Variants in TMEM132D observed in about 807,000 individuals in gnomAD.
The protein encoded by TMEM132D is mature OL transmembrane protein.
A neutral mutation model predicts 62.3 loss-of-function variants in TMEM132D; 21 were observed. That is an observed-to-expected ratio of 0.34 (90% CI 0.24 to 0.49). The LOEUF (loss-of-function observed/expected upper bound fraction) is 0.49, where lower values mean the gene tolerates loss of function less well. Ranked by LOEUF, TMEM132D falls within the 20% of genes least tolerant of loss-of-function variation. TMEM132D has a pLI of 0.99. For synonymous variants in TMEM132D, 621 were observed against 575.6 expected, an observed-to-expected ratio of 1.08 and a Z score of -1.13; for missense variants, 1,346 against 1,402.8, an observed-to-expected ratio of 0.96 and a Z score of 0.65.
intron 7 of TMEM132D, among the ~76,000 whole-genome samples, chr12:129,079,030 AC>A (rs1325762643): frequency 2.0e-5 from 3 of 152,210 alleles, no homozygotes; most frequent in Non-Finnish European, 4.4e-5. Flanking sequence ...GGAGGAACTG[AC>A]GTTTTCATTC....
intron 3 of TMEM132D, among the ~76,000 whole-genome samples, chr12:129,404,529 G>C (rs918969742): frequency 6.6e-6 from 1 of 152,168 alleles, no homozygotes; most frequent in Non-Finnish European, 1.5e-5. Context: ...AAAGAAAAAG[G>C]TTTAATCGGT....
intron 2 of TMEM132D, among the ~76,000 whole-genome samples, chr12:129,611,759 C>A (rs1027167096): frequency 6.6e-6 from 1 of 152,180 alleles, no homozygotes; most frequent in Non-Finnish European, 1.5e-5. Flanking sequence ...CATTTCCATC[C>A]GCTACAATGT....
intron 1 of TMEM132D, among the ~76,000 whole-genome samples, chr12:129,844,636 T>C (rs1334613860): frequency 6.6e-6 from 1 of 152,176 alleles, no homozygotes; most frequent in African/African-American, 2.4e-5. Context: ...AGAAGAACGA[T>C]GCTGTGCTTG....
At chr12:129,460,076 A>C (rs1873610169) in intron 3 of TMEM132D, among the ~76,000 whole-genome samples, 1 of 152,194 alleles carries the variant, frequency 6.6e-6, no homozygotes, top group African/African-American at 2.4e-5. Flanking sequence ...CACTTTTGGC[A>C]GCAGACAGAG....
At chr12:129,346,046 C>T (rs138753003) in intron 3 of TMEM132D, among the ~76,000 whole-genome samples, 28,257 of 151,996 alleles carry the variant, frequency 0.19, 2,730 homozygotes, top group Non-Finnish European at 0.2. Context: ...TGGTAAAATT[C>T]GGCTGTGAAT....
intron 3 of TMEM132D, among the ~76,000 whole-genome samples, chr12:129,383,440 T>A (rs1047046292): frequency 5.3e-5 from 8 of 152,110 alleles, no homozygotes; most frequent in Admixed American, 6.6e-5. Flanking sequence ...TTCATGTCAA[T>A]CCTCTAGATA....
chr12:129,750,331 T>A (rs1297506512), intron 1 of TMEM132D, among the ~76,000 whole-genome samples: 2 of 151,954 alleles, frequency 1.3e-5, no homozygotes, highest in Non-Finnish European at 2.9e-5. Flanking sequence ...TGATCTGGCC[T>A]GCCTCGGCCT....
chr12:129,636,741 A>T (rs79111596), intron 2 of TMEM132D, among the ~76,000 whole-genome samples: 90 of 64,394 alleles, frequency 1.4e-3, no homozygotes, highest in Non-Finnish European at 2.1e-3. Flanking sequence ...TGTGTGTGAG[A>T]GAGAGAGAGA....
chr12:129,879,939 GA>G (rs1258179084), intron 1 of TMEM132D, among the ~76,000 whole-genome samples: 1 of 152,064 alleles, frequency 6.6e-6, no homozygotes, highest in Non-Finnish European at 1.5e-5. Flanking sequence ...AGGAAAACAG[GA>G]AAGAGGAGCT....
At chr12:129,370,634 G>C (rs1445944880) in intron 3 of TMEM132D, among the ~76,000 whole-genome samples, 1 of 152,176 alleles carries the variant, frequency 6.6e-6, no homozygotes, top group Non-Finnish European at 1.5e-5. Context: ...ATCAACCTAA[G>C]TGTTCATTAA....
chr12:129,600,412 G>C (rs927497570), intron 2 of TMEM132D, among the ~76,000 whole-genome samples: 2 of 152,178 alleles, frequency 1.3e-5, no homozygotes, highest in African/African-American at 4.8e-5. Flanking sequence ...GTTGGAATCA[G>C]GTTCTTCCAC....
intron 5 of TMEM132D, among the ~76,000 whole-genome samples, chr12:129,104,288 G>C (rs1398576295): frequency 2.6e-5 from 4 of 151,466 alleles, no homozygotes; most frequent in Admixed American, 2.6e-4. Context: ...ACAAGCAATG[G>C]GGAAAGGATT....
intron 5 of TMEM132D, among the ~76,000 whole-genome samples, chr12:129,138,347 C>T (rs1876646520): frequency 1.3e-5 from 2 of 152,178 alleles, no homozygotes; most frequent in African/African-American, 4.8e-5. Flanking sequence ...ACCCAAGGAC[C>T]TTCAATTTGC....
In TMEM132D at chr12:129,700,109, G is replaced by A. The variant is rs138400365; in HGVS notation, c.669C>T (p.Pro223=). 1.9e-6 allele frequency: 3 copies of A among 1,613,380 alleles called. No homozygotes were observed. Among genetic ancestry groups the A allele is most frequent in the Admixed American group, 1.7e-5 (1 of 60,022 alleles). The change falls in exon 2 of 9, where the codon CCC becomes CCT. Residue 223 remains proline, a synonymous_variant. Transcript: ENST00000422113. Reference sequence around the variant, plus strand: ...GGTGCACGGTGTAGTAGAGCTCCACGGGGGTCCCCTCCGGCTGGTCCACGG... The same window carrying A: ...GGTGCACGGTGTAGTAGAGCTCCACAGGGGTCCCCTCCGGCTGGTCCACGG... The part of the protein sequence containing the change: ...RKSVDQPEGT[P]VELYYTVHPG...
intron 5 of TMEM132D, among the ~76,000 whole-genome samples, chr12:129,115,358 G>C (rs1875862460): frequency 6.6e-6 from 1 of 152,168 alleles, no homozygotes; most frequent in African/African-American, 2.4e-5. Context: ...TTGGAAGGAT[G>C]GGAGAGTGTC....
At chr12:129,125,444 T>C (rs1404062003) in intron 5 of TMEM132D, among the ~76,000 whole-genome samples, 1 of 152,144 alleles carries the variant, frequency 6.6e-6, no homozygotes, top group Non-Finnish European at 1.5e-5. Flanking sequence ...ACTAACACTT[T>C]TGTACAATAC....
At chr12:129,636,715 T>C (rs927414567) in intron 2 of TMEM132D, among the ~76,000 whole-genome samples, 1 of 119,018 alleles carries the variant, frequency 8.4e-6, no homozygotes, top group African/African-American at 3.1e-5. Flanking sequence ...TGTGTGTGTG[T>C]GTGTGTGTGT....
Position 129,131,891 on chromosome 12 carries a change from T to C in TMEM132D, c.1444-47189A>G, listed in dbSNP as rs532634982. Among the ~76,000 whole-genome samples the C allele has an allele frequency of 7.2e-5, 11 of 152,268 alleles. No individual in the cohort carries two copies. The South Asian group carries it at 2.3e-3, about 32-fold the overall frequency. On this transcript the variant is annotated intron_variant, in intron 5 of 8. Transcript: ENST00000422113. ...AATTGAAAAAAATTAAAAGCAAATA[T>C]TTCCTTAATATTTTCCAAACTTTTA...
At chr12:129,427,877 C>T (rs146525401) in intron 3 of TMEM132D, among the ~76,000 whole-genome samples, 127 of 152,224 alleles carry the variant, frequency 8.3e-4, no homozygotes, top group Middle Eastern at 3.4e-3. Context: ...ATTAACAGAT[C>T]TTTCAGGTAT....
Sources: allele counts gnomAD v4.1 joint callset (sites outside exome capture counted in the v4.1 genomes callset), GRCh38; gene constraint gnomAD v4.1.1; transcripts MANE v1.5; gene names NCBI Gene and HGNC (gene_info 2026-07-23, HGNC 2026-07-21).